Variants in NUP85 observed in about 807,000 individuals in gnomAD.
NUP85 encodes the protein nucleoporin 85, also known as nuclear pore complex protein Nup85.
Under a neutral mutation model 92.8 loss-of-function variants are expected in NUP85, and 23 were observed. That is an observed-to-expected ratio of 0.25 (90% CI 0.18 to 0.35). The LOEUF is 0.35. Among genes scored for constraint, NUP85 ranks in the 10% least tolerant of loss-of-function variants. The pLI is 1.00. For synonymous variants in NUP85, 314 were observed against 306.9 expected, an observed-to-expected ratio of 1.02 and a Z score of -0.24; for missense variants, 759 against 822.8, an observed-to-expected ratio of 0.92 and a Z score of 0.95.
At chr17:75,214,489 C>T (rs923016298) in intron 5 of NUP85, among the ~76,000 whole-genome samples, 8 of 152,200 alleles carry the variant, frequency 5.3e-5, no homozygotes, top group African/African-American at 1.7e-4. Flanking sequence ...CTACGTGTTT[C>T]ATGTCATCTA....
chr17:75,207,173 A>C (rs115241715), intron 1 of NUP85, among the ~76,000 whole-genome samples: 4 of 150,822 alleles, frequency 2.7e-5, no homozygotes, highest in African/African-American at 9.8e-5. Flanking sequence ...CTCTGGGGAG[A>C]TATGTGGCCT....
intron 16 of NUP85, among the ~76,000 whole-genome samples, 157 bp downstream of exon 16, chr17:75,233,315 T>G (rs534720473): frequency 6.6e-6 from 1 of 152,266 alleles, no homozygotes; most frequent in South Asian, 2.1e-4. Flanking sequence ...GATCATGAGT[T>G]TGGCTGTCAC....
At chr17:75,212,250 T>G (rs377116284) in intron 4 of NUP85, among the ~76,000 whole-genome samples, 188 bp downstream of exon 4, 475 of 2,364 alleles carry the variant, frequency 0.2, 11 homozygotes, top group Middle Eastern at 0.5. Flanking sequence ...TGTTGTTGTT[T>G]TTTTTTTTTT....
intron 1 of NUP85, among the ~76,000 whole-genome samples, chr17:75,206,136 G>A (rs77899377): frequency 0.029 from 4,431 of 152,132 alleles, 101 homozygotes; most frequent in Non-Finnish European, 0.044. Flanking sequence ...TATTCCAGCC[G>A]TATTAAGCTC....
chr17:75,235,240 T>G (rs775638412), intron 18 of NUP85, 39 bp downstream of exon 18: 3 of 1,481,256 alleles, frequency 2.0e-6, no homozygotes, highest in Non-Finnish European at 2.8e-6. Flanking sequence ...CACATGGAGG[T>G]GGGAAAAGGC....
Position 75,233,210 on chromosome 17 carries a change from G to A in NUP85, c.1615+52G>A, listed in dbSNP as rs760311168. The A allele has an allele frequency of 2.7e-6, 4 of 1,456,096 alleles. No homozygotes were observed. In the South Asian group the frequency reaches 4.6e-5, roughly 17 times the overall value. The allele number at this position is 1,456,096 out of a possible 1,614,324, so 90.2% of individuals were successfully genotyped here. A position where few individuals can be genotyped will look rare whatever the true frequency, so the allele number is the denominator to read the frequency against. On this transcript the variant is annotated intron_variant, in intron 16 of 18. Transcript: ENST00000245544. Reference sequence around the variant, plus strand: ...GCTTTGGGCACAAGTGGGTAGTTGGGGAGGTTGGAGGGATCACGTCAGACT... The same window carrying A: ...GCTTTGGGCACAAGTGGGTAGTTGGAGAGGTTGGAGGGATCACGTCAGACT...
At chr17:75,208,440 CAAAAAAA>C (rs10579016) in intron 1 of NUP85, 80 bp from the exon 2 acceptor site, 768 of 574,472 alleles carry the variant, frequency 1.3e-3, no homozygotes, top group Middle Eastern at 1.9e-3. Flanking sequence ...GTCTTTGTCT[CAAAAAAA>C]AAAAAAAAAA....
At chr17:75,214,265 CTAGG>C (rs1199832579) in intron 5 of NUP85, among the ~76,000 whole-genome samples, 2 of 152,118 alleles carry the variant, frequency 1.3e-5, no homozygotes, top group Non-Finnish European at 2.9e-5. Flanking sequence ...TCAGTAGTGA[CTAGG>C]TAGTAATTCA....
intron 4 of NUP85, among the ~76,000 whole-genome samples, chr17:75,212,279 T>TGAGACCGAG: frequency 1.1e-5 from 1 of 93,174 alleles, no homozygotes. Flanking sequence ...TTTTTTTTTT[T>TGAGACCGAG]TTTTTTTGAG....
intron 6 of NUP85, 126 bp downstream of exon 6, chr17:75,215,949 C>A: frequency 1.2e-6 from 1 of 849,610 alleles, no homozygotes; most frequent in Non-Finnish European, 1.8e-6. Context: ...TCATTATAAC[C>A]ACGGGAAGTC....
At position 75,226,125 on chromosome 17, in the gene NUP85, G is replaced by T. The variant is rs769366690; in HGVS notation, c.1062G>T (p.Glu354Asp). The T allele has an allele frequency of 6.2e-7, 1 of 1,613,974 alleles. No individual in the cohort carries two copies. Among genetic ancestry groups the T allele is most frequent in the African/African-American group, 1.3e-5 (1 of 74,894 alleles). The change falls in exon 11 of 19, where the codon GAG becomes GAT. Residue 354 changes from glutamate (E) to aspartate (D), a missense_variant. Glu to Asp is a conservative substitution (Grantham distance 45). Coordinates refer to ENST00000245544, the MANE Select transcript of NUP85 (RefSeq NM_024844.5). ...ACAACATCTTGTTGGCAGCCTTTGA[G>T]TTTGACATCCATCAAGTAATCAAAG... ...PLDNILLAAF[E>D]FDIHQVIKEC...
At chr17:75,211,867 G>A in intron 3 of NUP85, 125 bp from the exon 4 acceptor site, 1 of 707,640 alleles carries the variant, frequency 1.4e-6, no homozygotes, top group Non-Finnish European at 2.5e-6. Flanking sequence ...AGAAGGTTAG[G>A]AGCTCCTTCA....
intron 18 of NUP85, 25 bp from the exon 19 acceptor site, chr17:75,235,553 C>T (rs766730445): frequency 2.0e-5 from 31 of 1,568,456 alleles, no homozygotes; most frequent in Middle Eastern, 1.7e-4. Flanking sequence ...GCTCTTAGCT[C>T]ATGCTGGCGC....
chr17:75,233,381 C>T (rs575018836), intron 16 of NUP85, among the ~76,000 whole-genome samples: 25 of 60,268 alleles, frequency 4.1e-4, no homozygotes, highest in Middle Eastern at 0.016. Flanking sequence ...CTTTCTTTCT[C>T]TCTTTCTTTC....
In NUP85 at chr17:75,213,094, C is replaced by T; in HGVS notation, c.380C>T (p.Ala127Val). ...HQVAIAAKDP[A>V]NGRQFSSQVS... ...TTGTTAGTTGCTGCTAAAGATCCAG[C>T]CAATGGCCGCCAGTTCAGCAGCCAG... Residue 127 changes from alanine to valine, a missense_variant, in exon 5 of 19, where the codon GCC becomes GTC. Transcript: ENST00000245544. 1 of 1,613,522 alleles carries T rather than the reference C, an allele frequency of 6.2e-7. No individual in the cohort carries two copies. Among genetic ancestry groups the T allele is most frequent in the Non-Finnish European group, 8.5e-7 (1 of 1,179,804 alleles).
chr17:75,225,006 T>G, intron 7 of NUP85, 97 bp from the exon 8 acceptor site: 4 of 1,325,376 alleles, frequency 3.0e-6, no homozygotes, highest in African/African-American at 1.5e-5. Context: ...GTGTGAAGAG[T>G]TAAAAAGCCA....
Position 75,213,022 on chromosome 17 carries a change from G to A in NUP85, c.362-54G>A. The A allele has an allele frequency of 3.3e-6, 5 of 1,536,018 alleles. No individual in the cohort carries two copies. In the South Asian group the frequency reaches 3.5e-5, roughly 11 times the overall value. On this transcript the variant is annotated intron_variant, in intron 4 of 18. Transcript: ENST00000245544. The stretch of plus-strand genomic sequence containing the variant: ...CATAGACCCTGGAATATTCAGCTAT[G>A]ACAATAAGCCTAAGAGTTCCATTGC...
At chr17:75,213,213 GTC>G in intron 5 of NUP85, 94 bp downstream of exon 5, 1 of 1,086,260 alleles carries the variant, frequency 9.2e-7, no homozygotes, top group African/African-American at 1.6e-5. Context: ...TATGGCAGAA[GTC>G]TCTTCTTTTC....
chr17:75,234,227 T>C (rs954573974), intron 16 of NUP85, among the ~76,000 whole-genome samples: 3 of 151,568 alleles, frequency 2.0e-5, no homozygotes, highest in Admixed American at 6.6e-5. Context: ...AATTTTTGTA[T>C]TTTTAGTAGA....
Sources: allele counts gnomAD v4.1 joint callset (sites outside exome capture counted in the v4.1 genomes callset), GRCh38; gene constraint gnomAD v4.1.1; transcripts MANE v1.5; gene names NCBI Gene and HGNC (gene_info 2026-07-23, HGNC 2026-07-21).